The following KCMF1 variants were observed in gnomAD, a reference collection of about 807,000 sequenced individuals.
The protein encoded by KCMF1 is E3 ubiquitin-protein ligase KCMF1.
In KCMF1, 3 loss-of-function variants were observed where a neutral mutation model predicts 41.1. That is an observed-to-expected ratio of 0.07 (90% CI 0.03 to 0.19). KCMF1 has a LOEUF of 0.19. Among genes scored for constraint, KCMF1 ranks in the 10% least tolerant of loss-of-function variants. KCMF1 has a pLI of 1.00. For synonymous variants in KCMF1, 142 were observed against 164.5 expected, an observed-to-expected ratio of 0.86 and a Z score of 1.04; for missense variants, 286 against 488.9, an observed-to-expected ratio of 0.58 and a Z score of 3.91.
Position 85,006,381 on chromosome 2 carries a change from A to G in KCMF1, c.17-21508A>G, listed in dbSNP as rs1251781669. Among the ~76,000 whole-genome samples the G allele has an allele frequency of 2.0e-5, 3 of 147,534 alleles. No individual in the cohort carries two copies. The Admixed American group carries it at 2.0e-4, about 10-fold the overall frequency. ...AGTGGCGCCATCTCGGCTCACTGCA[A>G]GCTCTGCCTCTCAGGTTCACGCCAT... On this transcript the variant is annotated intron_variant, in intron 1 of 6. Coordinates refer to ENST00000409785, the MANE Select transcript of KCMF1 (RefSeq NM_020122.5).
At chr2:85,028,477 G>A (rs1043896073) in intron 2 of KCMF1, among the ~76,000 whole-genome samples, 7 of 134,464 alleles carry the variant, frequency 5.2e-5, no homozygotes, top group African/African-American at 2.0e-4. Flanking sequence ...GAGCCACTGT[G>A]CCTGGCTTTT....
intron 1 of KCMF1, among the ~76,000 whole-genome samples, chr2:84,983,084 T>C (rs1673806445): frequency 6.6e-6 from 1 of 152,216 alleles, no homozygotes; most frequent in Non-Finnish European, 1.5e-5. Flanking sequence ...TACAAGCTTT[T>C]TAAAAGCCAC....
chr2:85,028,071 A>C lies in KCMF1; in HGVS notation c.184+15A>C. On this transcript the variant is annotated intron_variant, in intron 2 of 6. Transcript: ENST00000409785. ...GGTAGATTTTGGTAAGTAATTAAAA[A>C]TTTAATGAATTACATCATTTAGAAT... is the stretch of plus-strand genomic sequence containing the variant. The C allele has an allele frequency of 6.6e-7, 1 of 1,511,064 alleles. No individual in the cohort carries two copies. The highest frequency in any genetic ancestry group is 9.0e-7 in the Non-Finnish European group (1 of 1,109,258). 93.6% of individuals were successfully genotyped at this position (1,511,064 alleles called of 1,614,324 possible).
chr2:84,999,077 G>A (rs965831712), intron 1 of KCMF1, among the ~76,000 whole-genome samples: 3 of 138,658 alleles, frequency 2.2e-5, no homozygotes, highest in Non-Finnish European at 4.6e-5. Flanking sequence ...ACGTAGTCTT[G>A]CTCTGTCACC....
chr2:85,019,357 C>G (rs1433803402), intron 1 of KCMF1, among the ~76,000 whole-genome samples: 1 of 152,080 alleles, frequency 6.6e-6, no homozygotes, highest in Non-Finnish European at 1.5e-5. Flanking sequence ...GAGTGAGAGT[C>G]ATTCTAAAGG....
intron 1 of KCMF1, among the ~76,000 whole-genome samples, chr2:84,974,245 TAAAAG>T (rs1673474174): frequency 6.6e-6 from 1 of 152,230 alleles, no homozygotes; most frequent in Non-Finnish European, 1.5e-5. Context: ...AATAGTCTGG[TAAAAG>T]GTTTGAACAA....
At chr2:85,024,202 C>G (rs762991825) in intron 1 of KCMF1, among the ~76,000 whole-genome samples, 4 of 152,172 alleles carry the variant, frequency 2.6e-5, no homozygotes, top group Non-Finnish European at 2.9e-5. Flanking sequence ...AAAGGCCGAG[C>G]GTGGTGGCTC....
chr2:85,024,579 AGAGAGTGT>A lies in KCMF1; in HGVS notation c.17-3308_17-3301del, dbSNP rs1193494636. 2.6e-3 allele frequency among the ~76,000 whole-genome samples: 372 copies of A among 141,280 alleles called. 1 individual carries two copies. Among genetic ancestry groups the A allele is most frequent in the African/African-American group, 9.2e-3 (353 of 38,504 alleles). The allele number at this position is 141,280 out of a possible 152,430, so 92.7% of individuals were successfully genotyped here. ...GAGAGAGAGAGAGAGAGAGAGAGAG[AGAGAGTGT>A]GTGTGTGTGTGTGTGTGTGCGCGTG... is the stretch of plus-strand genomic sequence containing the variant. On this transcript the variant is annotated intron_variant, in intron 1 of 6. Transcript: ENST00000409785.
intron 1 of KCMF1, among the ~76,000 whole-genome samples, chr2:85,018,105 A>G (rs1270363545): frequency 6.6e-6 from 1 of 152,164 alleles, no homozygotes; most frequent in Non-Finnish European, 1.5e-5. Context: ...AAAAGGGGTT[A>G]AACTGTATGT....
At chr2:85,008,291 T>TCATATATA (rs1553379312) in intron 1 of KCMF1, among the ~76,000 whole-genome samples, 34 of 14,630 alleles carry the variant, frequency 2.3e-3, no homozygotes, top group Non-Finnish European at 5.5e-3. Context: ...TGATATATAA[T>TCATATATA]ATATATAATA....
At chr2:84,987,230 A>G (rs1044241844) in intron 1 of KCMF1, among the ~76,000 whole-genome samples, 3 of 152,246 alleles carry the variant, frequency 2.0e-5, no homozygotes, top group Non-Finnish European at 4.4e-5. Context: ...ATTGTGGGAC[A>G]GAGGAAGGAG....
intron 1 of KCMF1, among the ~76,000 whole-genome samples, chr2:84,983,257 A>G (rs1453337499): frequency 1.3e-5 from 2 of 152,226 alleles, no homozygotes; most frequent in African/African-American, 4.8e-5. Context: ...ACTATATCCA[A>G]AATACCATTT....
At chr2:85,040,643 C>T (rs563540050) in intron 3 of KCMF1, among the ~76,000 whole-genome samples, 7 of 152,172 alleles carry the variant, frequency 4.6e-5, no homozygotes, top group South Asian at 4.1e-4. Flanking sequence ...CCTCTGTGAT[C>T]GCATCAGCAT....
intron 1 of KCMF1, among the ~76,000 whole-genome samples, chr2:84,977,901 G>T (rs989055151): frequency 3.3e-5 from 5 of 151,848 alleles, no homozygotes; most frequent in Non-Finnish European, 7.4e-5. Context: ...TCATGTTTAA[G>T]TTAAAATGTA....
intron 5 of KCMF1, among the ~76,000 whole-genome samples, chr2:85,046,628 T>C (rs1406899349): frequency 7.5e-6 from 1 of 133,664 alleles, no homozygotes; most frequent in East Asian, 2.1e-4. Flanking sequence ...AGACCCTGTC[T>C]CAAAAAAAAA....
rs553916801 is a variant in KCMF1, at chr2:84,992,112, C to T, written c.16+20645C>T. Among the ~76,000 whole-genome samples, 3 of 152,190 alleles carry T rather than the reference C, an allele frequency of 2.0e-5. No individual in the cohort carries two copies. The East Asian group carries it at 5.8e-4, about 29-fold the overall frequency. On this transcript the variant is annotated intron_variant, in intron 1 of 6. Transcript: ENST00000409785. ...ACCCCAGCCTGGTCACTTACTGTGA[C>T]CTTGGGTAAGTTGTTTATCTCTCTG...
chr2:84,998,146 C>T (rs1012134395), intron 1 of KCMF1, among the ~76,000 whole-genome samples: 8 of 151,654 alleles, frequency 5.3e-5, no homozygotes, highest in African/African-American at 4.9e-5. Flanking sequence ...AGCTGGAGTG[C>T]AGTGGTGTGA....
intron 1 of KCMF1, among the ~76,000 whole-genome samples, chr2:85,014,682 C>T (rs1181719106): frequency 1.3e-5 from 2 of 150,038 alleles, no homozygotes; most frequent in Non-Finnish European, 3.0e-5. Flanking sequence ...CTGAATTGCA[C>T]ATGTATATGG....
At chr2:85,004,962 A>G (rs551777806) in intron 1 of KCMF1, among the ~76,000 whole-genome samples, 38 of 152,154 alleles carry the variant, frequency 2.5e-4, no homozygotes, top group African/African-American at 9.1e-4. Context: ...CAGCCTCTCA[A>G]GTAGCTGGGA....
Sources: allele counts gnomAD v4.1 joint callset (sites outside exome capture counted in the v4.1 genomes callset), GRCh38; gene constraint gnomAD v4.1.1; transcripts MANE v1.5; gene names NCBI Gene and HGNC (gene_info 2026-07-23, HGNC 2026-07-21).